AFAP1: variants seen among roughly 807,000 people sequenced by gnomAD.
AFAP1 encodes actin filament associated protein 1.
In AFAP1, 75 loss-of-function variants were observed where a neutral mutation model predicts 93.9. That is an observed-to-expected ratio of 0.80 (90% confidence interval 0.66 to 0.97). The LOEUF (loss-of-function observed/expected upper bound fraction) is 0.97, where lower values mean the gene tolerates loss of function less well. Ranked by LOEUF, AFAP1 falls within the 50% of genes least tolerant of loss-of-function variation. The pLI, the probability that AFAP1 is intolerant of heterozygous loss-of-function variation, is 0.00. For synonymous variants in AFAP1, 517 were observed against 430.7 expected, an observed-to-expected ratio of 1.20 and a Z score of -2.48; for missense variants, 1,201 against 1,050.8, an observed-to-expected ratio of 1.14 and a Z score of -1.98.
rs139192361 is a variant in AFAP1, at chr4:7,778,267, C to T, written c.1897+495G>A. ...AATGGCTTGCTGTGGACCACAGGCA[C>T]CGCAGGATAACCATTCCTCAGAACT... On this transcript the variant is annotated intron_variant, in intron 14 of 17. Transcript: ENST00000420658. The T allele has an allele frequency of 7.4e-5, 13 of 175,804 alleles. No homozygotes were observed. The East Asian group carries it at 2.1e-3, about 28-fold the overall frequency. 10.9% of individuals were successfully genotyped at this position (175,804 alleles called of 1,614,324 possible).
chr4:7,857,886 T>C (rs941765546), intron 3 of AFAP1, among the ~76,000 whole-genome samples: 3 of 152,154 alleles, frequency 2.0e-5, no homozygotes, highest in Non-Finnish European at 4.4e-5. Context: ...GAGCAGACAC[T>C]TTCAAACCCT....
At chr4:7,923,368 C>G (rs1469987676) in intron 1 of AFAP1, among the ~76,000 whole-genome samples, 3 of 152,186 alleles carry the variant, frequency 2.0e-5, no homozygotes, top group Non-Finnish European at 2.9e-5. Context: ...GCTGGAAGTC[C>G]AAGATCAAGG....
At chr4:7,776,317 A>C (rs1716110555) in intron 14 of AFAP1, 1 of 152,228 alleles carries the variant, frequency 6.6e-6, no homozygotes, top group Admixed American at 6.5e-5. Flanking sequence ...TGACTCTGCA[A>C]GCAACCTCCG....
intron 1 of AFAP1, among the ~76,000 whole-genome samples, chr4:7,910,365 C>G (rs1208904443): frequency 6.6e-6 from 1 of 152,122 alleles, no homozygotes; most frequent in Admixed American, 6.5e-5. Context: ...CCAACAGTTA[C>G]AGAGAGGGTG....
In AFAP1 at chr4:7,939,130, A is replaced by G. The variant is rs7695142; in HGVS notation, c.-3+526T>C. On this transcript the variant is annotated intron_variant, in intron 1 of 17. Coordinates refer to ENST00000420658, the MANE Select transcript of AFAP1 (RefSeq NM_001134647.2). The surrounding 1 kb of genome is among the most constrained non-coding windows in gnomAD (Gnocchi z 5.6). ...GGACCCACGCGCGTGGGTCCACGCA[A>G]CAACCTATAGGTGACAAAACACTCA... The G allele has an allele frequency of 0.35, 55,872 of 157,518 alleles. 10,689 individuals carry two copies. The highest frequency in any genetic ancestry group is 0.5 in the African/African-American group (20,449 of 41,180). The allele number at this position is 157,518 out of a possible 1,614,324, so 9.8% of individuals were successfully genotyped here.
intron 12 of AFAP1, among the ~76,000 whole-genome samples, chr4:7,785,899 TG>T (rs1308536747): frequency 6.6e-6 from 1 of 152,150 alleles, no homozygotes; most frequent in East Asian, 1.9e-4. Context: ...ACTGCACCAC[TG>T]CACTCCAGCC....
intron 1 of AFAP1, among the ~76,000 whole-genome samples, chr4:7,893,160 G>A (rs17770177): frequency 0.11 from 17,403 of 152,182 alleles, 1,160 homozygotes; most frequent in Non-Finnish European, 0.16. Flanking sequence ...CACTATTCCA[G>A]ATCAGTGGCT....
At chr4:7,883,428 G>A (rs2149198984) in intron 1 of AFAP1, among the ~76,000 whole-genome samples, 1 of 152,164 alleles carries the variant, frequency 6.6e-6, no homozygotes, top group South Asian at 2.1e-4. Flanking sequence ...CAAAAAAACA[G>A]CATCTTATTT....
At chr4:7,927,781 G>A (rs1191286642) in intron 1 of AFAP1, among the ~76,000 whole-genome samples, 1 of 152,062 alleles carries the variant, frequency 6.6e-6, no homozygotes, top group African/African-American at 2.4e-5. Flanking sequence ...TAGAGAAGGG[G>A]GGATAAAAAT....
intron 1 of AFAP1, among the ~76,000 whole-genome samples, chr4:7,910,807 G>C (rs952780369): frequency 1.1e-4 from 17 of 152,214 alleles, no homozygotes; most frequent in Non-Finnish European, 1.5e-5. Context: ...CTGGAGGTGA[G>C]TATGTGATAG....
chr4:7,769,003 T>C lies in AFAP1; in HGVS notation c.2259A>G (p.Pro753=). 6.2e-7 allele frequency: 1 copy of C among 1,608,628 alleles called. No individual in the cohort carries two copies. The highest frequency in any genetic ancestry group is 8.5e-7 in the Non-Finnish European group (1 of 1,176,068). ...PKSGTSSPQS[P]VFRHRTLENS... ...TTTCCAGGGTCCGGTGCCGGAACAC[T>C]GGAGACTTAACGGAGAGAGAGAACC... is the stretch of plus-strand genomic sequence containing the variant. Residue 753 remains proline, a synonymous_variant, in exon 17 of 18, where the codon CCA becomes CCG. Transcript: ENST00000420658.
rs190501555 is a variant in AFAP1 at position 7,928,524 on chromosome 4, A to T, written c.-3+11132T>A. On this transcript the variant is annotated intron_variant, in intron 1 of 17. Coordinates refer to ENST00000420658, the MANE Select transcript of AFAP1 (RefSeq NM_001134647.2). ...TGCTTCAGCCTCCCAAGTAGCTGGG[A>T]CTACAGGCACGCACCACCACACCCA... is the stretch of plus-strand genomic sequence containing the variant. 2.9e-3 allele frequency among the ~76,000 whole-genome samples: 440 copies of T among 152,168 alleles called. 1 individual carries two copies. Among genetic ancestry groups the T allele is most frequent in the Non-Finnish European group, 3.7e-3 (250 of 68,014 alleles).
intron 8 of AFAP1, among the ~76,000 whole-genome samples, chr4:7,810,339 GTTGAC>G (rs1486336708): frequency 6.6e-6 from 1 of 152,230 alleles, no homozygotes; most frequent in African/African-American, 2.4e-5. Flanking sequence ...CTGTCCAGGA[GTTGAC>G]TTAAGTTAAT....
chr4:7,773,194 A>C, intron 15 of AFAP1, 184 bp from the exon 16 acceptor site: 1 of 935,766 alleles, frequency 1.1e-6, no homozygotes, highest in Non-Finnish European at 1.5e-6. Context: ...TTCTCCTACC[A>C]TTTCCCTTTG....
At chr4:7,912,078 A>C (rs537292259) in intron 1 of AFAP1, among the ~76,000 whole-genome samples, 1 of 152,218 alleles carries the variant, frequency 6.6e-6, no homozygotes, top group African/African-American at 2.4e-5. Context: ...CCCAGGATGG[A>C]AAAAAGGGTA....
chr4:7,770,030 G>C (rs983797716), intron 16 of AFAP1, among the ~76,000 whole-genome samples: 1 of 152,218 alleles, frequency 6.6e-6, no homozygotes, highest in Non-Finnish European at 1.5e-5. Flanking sequence ...GGGGTCCACC[G>C]AATAAGCCAC....
At chr4:7,836,756 G>T (rs4288007) in intron 6 of AFAP1, among the ~76,000 whole-genome samples, 2,175 of 151,910 alleles carry the variant, frequency 0.014, 50 homozygotes, top group African/African-American at 0.05. Context: ...CCAGTACAGT[G>T]TTCTTTTTGG....
chr4:7,930,663 A>G (rs551456363), intron 1 of AFAP1, among the ~76,000 whole-genome samples: 1 of 152,342 alleles, frequency 6.6e-6, no homozygotes, highest in South Asian at 2.1e-4. Context: ...TGATGTTCCT[A>G]TCAGGAAATT....
At chr4:7,908,205 C>A (rs1719535036) in intron 1 of AFAP1, among the ~76,000 whole-genome samples, 1 of 151,340 alleles carries the variant, frequency 6.6e-6, no homozygotes, top group South Asian at 2.1e-4. Context: ...GAGCAAGACT[C>A]TGTCTCAAAA....
Sources: gnomAD v4.1 joint callset for allele counts (sites outside exome capture counted in the v4.1 genomes callset) on GRCh38, gnomAD v4.1.1 for gene constraint, Gnocchi (gnomAD v3.1) non-coding constraint, MANE v1.5 for transcripts, NCBI Gene and HGNC (gene_info 2026-07-23, HGNC 2026-07-21) for gene names.